The following PLEKHA5 variants were observed in gnomAD, a reference collection of about 807,000 sequenced individuals.
The protein encoded by PLEKHA5 is pleckstrin homology domain-containing family A member 5.
In PLEKHA5, 55 loss-of-function variants were observed where a neutral mutation model predicts 181.9. The ratio of observed to expected loss-of-function variants is 0.30; its 90% CI spans 0.24 to 0.38. The LOEUF (loss-of-function observed/expected upper bound fraction) is 0.38, where lower values mean the gene tolerates loss of function less well. Among genes scored for constraint, PLEKHA5 ranks in the 10% least tolerant of loss-of-function variants. The pLI is 1.00. For synonymous variants in PLEKHA5, 535 were observed against 529.4 expected, an observed-to-expected ratio of 1.01 and a Z score of -0.15; for missense variants, 1,432 against 1,549.5, an observed-to-expected ratio of 0.92 and a Z score of 1.27.
At chr12:19,203,171 G>A (rs897712429) in intron 3 of PLEKHA5, among the ~76,000 whole-genome samples, 1 of 152,062 alleles carries the variant, frequency 6.6e-6, no homozygotes, top group Non-Finnish European at 1.5e-5. Context: ...ATGTTAGAGA[G>A]CAATTTAGTG....
rs552524681 is a variant in PLEKHA5, at chr12:19,273,259, T to C, written c.846-1257T>C. ...GCACATAGTCTATCTTAGTAAATTTTCCCAATGTCTAATGTTGCCTCCAAT... is the reference window on the plus strand; with the variant it reads ...GCACATAGTCTATCTTAGTAAATTTCCCCAATGTCTAATGTTGCCTCCAAT... On this transcript the variant is annotated intron_variant, in intron 10 of 31. Coordinates refer to ENST00000429027, the MANE Select transcript of PLEKHA5 (RefSeq NM_001256470.2). 2.6e-5 allele frequency among the ~76,000 whole-genome samples: 4 copies of C among 152,268 alleles called. No homozygotes were observed. In the East Asian group the frequency reaches 7.7e-4, roughly 29 times the overall value.
At chr12:19,257,170 T>C (rs1047323428) in intron 5 of PLEKHA5, among the ~76,000 whole-genome samples, 3 of 152,176 alleles carry the variant, frequency 2.0e-5, no homozygotes, top group African/African-American at 7.2e-5. Context: ...TACTCTGTGT[T>C]TCTAAAAATT....
chr12:19,366,698 C>T (rs779857696), intron 30 of PLEKHA5, among the ~76,000 whole-genome samples: 14 of 152,118 alleles, frequency 9.2e-5, no homozygotes, highest in Non-Finnish European at 1.9e-4. Flanking sequence ...TCTATCTGTT[C>T]TCAGGGCTAG....
At chr12:19,354,637 C>A (rs989338876) in intron 26 of PLEKHA5, among the ~76,000 whole-genome samples, 2 of 151,356 alleles carry the variant, frequency 1.3e-5, no homozygotes, top group Admixed American at 1.3e-4. Context: ...CCCACCACCA[C>A]GCCTGGCTAA....
Position 19,361,648 on chromosome 12 carries a change from G to A in PLEKHA5, c.3550G>A (p.Val1184Met). The A allele has an allele frequency of 6.3e-7, 1 of 1,585,604 alleles. No individual in the cohort carries two copies. Among genetic ancestry groups the A allele is most frequent in the Non-Finnish European group, 8.6e-7 (1 of 1,157,472 alleles). The part of the protein sequence containing the change: ...FEPEPNGVNS[V>M]EMMDKERNKD... ...ACCTGAGCCAAATGGAGTAAATTCT[G>A]TGGAAATGATGGATAAAGAAAGAAA... Residue 1184 changes from valine to methionine, a missense_variant, in exon 29 of 32, where the codon GTG becomes ATG. Val to Met is a conservative substitution (Grantham distance 21, BLOSUM62 1). Transcript: ENST00000429027.
intron 16 of PLEKHA5, among the ~76,000 whole-genome samples, chr12:19,315,264 T>C (rs1376065395): frequency 2.6e-5 from 4 of 152,170 alleles, no homozygotes; most frequent in Non-Finnish European, 5.9e-5. Context: ...TGTAAAAATA[T>C]TTACTTTCAG....
At chr12:19,143,881 TTTG>T (rs1324806936) in intron 3 of PLEKHA5, among the ~76,000 whole-genome samples, 4 of 152,164 alleles carry the variant, frequency 2.6e-5, no homozygotes, top group African/African-American at 9.7e-5. Flanking sequence ...TCCAGGTAAC[TTTG>T]TTGTTTGTGA....
At chr12:19,372,598 C>A (rs1243712134) in intron 31 of PLEKHA5, 2 of 151,514 alleles carry the variant, frequency 1.3e-5, no homozygotes, top group Admixed American at 1.3e-4. Context: ...ATATTTGTAA[C>A]TTTTATTTGA....
At chr12:19,324,355 C>T (rs1024812317) in intron 20 of PLEKHA5, among the ~76,000 whole-genome samples, 1 of 152,092 alleles carries the variant, frequency 6.6e-6, no homozygotes, top group South Asian at 2.1e-4. Context: ...TCATTTGAGT[C>T]TTAATTATAT....
At chr12:19,253,609 G>T (rs1194624358) in intron 3 of PLEKHA5, among the ~76,000 whole-genome samples, 4 of 151,682 alleles carry the variant, frequency 2.6e-5, no homozygotes, top group Non-Finnish European at 2.9e-5. Flanking sequence ...CTGAGGTCAG[G>T]AGTTCAAGAC....
At chr12:19,359,056 T>G (rs2095092471) in intron 27 of PLEKHA5, among the ~76,000 whole-genome samples, 1 of 152,204 alleles carries the variant, frequency 6.6e-6, no homozygotes. Flanking sequence ...TCTTAAAAGT[T>G]TGTCTATAAT....
At chr12:19,241,759 T>TA (rs11357680) in intron 3 of PLEKHA5, among the ~76,000 whole-genome samples, 28 of 144,084 alleles carry the variant, frequency 1.9e-4, no homozygotes, top group East Asian at 6.1e-4. Flanking sequence ...AGATTCCATC[T>TA]AAAAAAAAAA....
intron 26 of PLEKHA5, 113 bp from the exon 27 acceptor site, chr12:19,358,112 CTCT>C: frequency 2.8e-6 from 2 of 714,020 alleles, no homozygotes; most frequent in East Asian, 2.7e-5. Flanking sequence ...CATTCAAAAC[CTCT>C]TCTTGTGATT....
chr12:19,344,332 C>T (rs1405878031), intron 22 of PLEKHA5, among the ~76,000 whole-genome samples: 2 of 152,146 alleles, frequency 1.3e-5, no homozygotes, highest in African/African-American at 4.8e-5. Flanking sequence ...TTATAAATAT[C>T]CACAATGTTT....
intron 30 of PLEKHA5, among the ~76,000 whole-genome samples, chr12:19,368,352 A>G (rs2095488965): frequency 6.6e-6 from 1 of 152,142 alleles, no homozygotes; most frequent in Non-Finnish European, 1.5e-5. Context: ...TTAAAAAATT[A>G]GCCGGATGGG....
At chr12:19,320,492 TATTA>T (rs1290786631) in intron 17 of PLEKHA5, 66 bp from the exon 18 acceptor site, 17 of 699,398 alleles carry the variant, frequency 2.4e-5, no homozygotes, top group Admixed American at 7.0e-5. Context: ...AAATCCAAAG[TATTA>T]ATTAATAGGG....
At chr12:19,298,986 C>T (rs1001308407) in intron 15 of PLEKHA5, among the ~76,000 whole-genome samples, 4 of 152,224 alleles carry the variant, frequency 2.6e-5, no homozygotes, top group Non-Finnish European at 5.9e-5. Context: ...ACACCAGTCT[C>T]TCACAGTCTG....
At chr12:19,373,993 C>T (rs1411255750) in intron 31 of PLEKHA5, among the ~76,000 whole-genome samples, 1 of 152,024 alleles carries the variant, frequency 6.6e-6, no homozygotes, top group Non-Finnish European at 1.5e-5. Context: ...TGATTATTGT[C>T]GGATATTTTC....
rs1280416001 is a variant in PLEKHA5, at chr12:19,348,473, A to C, written c.2973A>C (p.Glu991Asp). Residue 991 changes from glutamate (E) to aspartate (D), a missense_variant, in exon 25 of 32, where the codon GAA (glutamate) becomes GAC (aspartate). This residue lies in a region of PLEKHA5 where 1,143 missense variants were observed against 1,168.4 expected (regional missense o/e 0.98). Transcript: ENST00000429027. The stretch of plus-strand genomic sequence containing the variant: ...CAGAAGTTGATGAATCTAATGGAGA[A>C]GAAAAATCAGAACCTGTTTCAGAGA... Reference protein sequence around the residue: ...TVAEVDESNGEEKSEPVSEIE... With the variant: ...TVAEVDESNGDEKSEPVSEIE... 1.3e-6 allele frequency: 2 copies of C among 1,584,838 alleles called. No homozygotes were observed. The highest frequency in any genetic ancestry group is 1.7e-6 in the Non-Finnish European group (2 of 1,168,894).
Sources: gnomAD v4.1 joint callset for allele counts (sites outside exome capture counted in the v4.1 genomes callset) on GRCh38, gnomAD v4.1.1 for gene constraint, gnomAD v4.1.1 regional missense constraint, MANE v1.5 for transcripts, NCBI Gene and HGNC (gene_info 2026-07-23, HGNC 2026-07-21) for gene names.